BICC1: variants seen among roughly 807,000 people sequenced by gnomAD.
BICC1 encodes BicC family RNA binding protein 1, also known as protein bicaudal C homolog 1.
In BICC1, 43 loss-of-function variants were observed where a neutral mutation model predicts 111.0. That is an observed-to-expected ratio of 0.39 (90% CI 0.30 to 0.50). BICC1 has a LOEUF of 0.50. Among genes scored for constraint, BICC1 ranks in the 20% least tolerant of loss-of-function variants. The pLI, the probability that BICC1 is intolerant of heterozygous loss-of-function variation, is 0.88. For synonymous variants in BICC1, 467 were observed against 434.4 expected, an observed-to-expected ratio of 1.07 and a Z score of -0.93; for missense variants, 1,091 against 1,203.2, an observed-to-expected ratio of 0.91 and a Z score of 1.38.
intron 1 of BICC1, among the ~76,000 whole-genome samples, chr10:58,611,620 C>A (rs2132108094): frequency 6.6e-6 from 1 of 151,942 alleles, no homozygotes; most frequent in South Asian, 2.1e-4. Context: ...GGATTACAGG[C>A]ATGCTCTACC....
intron 2 of BICC1, among the ~76,000 whole-genome samples, chr10:58,691,606 G>A (rs1839909693): frequency 6.6e-6 from 1 of 152,140 alleles, no homozygotes; most frequent in South Asian, 2.1e-4. Context: ...TTAGAAATCA[G>A]GAAATTTAAC....
intron 2 of BICC1, among the ~76,000 whole-genome samples, chr10:58,638,318 A>T (rs1251321749): frequency 2.7e-5 from 4 of 145,774 alleles, no homozygotes; most frequent in African/African-American, 8.3e-5. Context: ...TTACAGAGTT[A>T]AAAAAAAAGG....
intron 3 of BICC1, among the ~76,000 whole-genome samples, chr10:58,765,559 G>T (rs1028068379): frequency 6.6e-6 from 1 of 152,110 alleles, no homozygotes; most frequent in African/African-American, 2.4e-5. Context: ...AAGGTTGTAC[G>T]TGATAAACTC....
chr10:58,803,355 A>G, intron 15 of BICC1, 113 bp downstream of exon 15: 1 of 904,638 alleles, frequency 1.1e-6, no homozygotes, highest in Non-Finnish European at 1.5e-6. Context: ...CTTCTGTGCT[A>G]CATTCAAAAT....
intron 1 of BICC1, among the ~76,000 whole-genome samples, chr10:58,519,022 A>C (rs1248933787): frequency 1.3e-5 from 2 of 152,200 alleles, no homozygotes; most frequent in South Asian, 4.1e-4. Context: ...GAAACCTGAC[A>C]CAGAGTGGCT....
At chr10:58,756,726 C>T (rs1388971947) in intron 3 of BICC1, among the ~76,000 whole-genome samples, 7 of 148,942 alleles carry the variant, frequency 4.7e-5, no homozygotes, top group East Asian at 1.9e-4. Flanking sequence ...TGTGAGGAAG[C>T]GTAGCAGTTT....
At chr10:58,575,989 T>A (rs1347041359) in intron 1 of BICC1, among the ~76,000 whole-genome samples, 2 of 152,214 alleles carry the variant, frequency 1.3e-5, no homozygotes, top group East Asian at 3.8e-4. Flanking sequence ...TATTTTACAA[T>A]TTTTTGGTGT....
At chr10:58,560,745 T>C (rs936934722) in intron 1 of BICC1, among the ~76,000 whole-genome samples, 5 of 152,100 alleles carry the variant, frequency 3.3e-5, no homozygotes, top group African/African-American at 1.2e-4. Context: ...TTTTGGTATG[T>C]TGTGTTTGTA....
intron 17 of BICC1, among the ~76,000 whole-genome samples, chr10:58,810,478 A>G (rs1401973106): frequency 1.3e-5 from 2 of 151,286 alleles, no homozygotes; most frequent in Admixed American, 1.3e-4. Flanking sequence ...TTTTTTGTGA[A>G]TGGTGTTCTA....
chr10:58,739,987 C>T (rs958176540), intron 3 of BICC1, among the ~76,000 whole-genome samples: 3 of 152,264 alleles, frequency 2.0e-5, no homozygotes, highest in Non-Finnish European at 2.9e-5. Context: ...AGAATATATA[C>T]ATGACCTTGT....
At chr10:58,808,694 G>A (rs1843793135) in intron 17 of BICC1, among the ~76,000 whole-genome samples, 1 of 149,758 alleles carries the variant, frequency 6.7e-6, no homozygotes, top group African/African-American at 2.5e-5. Context: ...TGTGTTGTCA[G>A]TTCTTAGTGA....
intron 3 of BICC1, among the ~76,000 whole-genome samples, chr10:58,783,760 A>T (rs964435630): frequency 1.3e-5 from 2 of 152,238 alleles, no homozygotes; most frequent in Admixed American, 6.5e-5. Context: ...AGGTTGAGAC[A>T]TGATCAATGG....
chr10:58,717,982 A>G (rs889837724), intron 3 of BICC1, among the ~76,000 whole-genome samples: 2 of 152,192 alleles, frequency 1.3e-5, no homozygotes, highest in East Asian at 1.9e-4. Flanking sequence ...ATGTTGTCAT[A>G]TGCACTTTCT....
intron 1 of BICC1, among the ~76,000 whole-genome samples, chr10:58,539,698 G>C (rs1589076699): frequency 1.3e-5 from 2 of 151,836 alleles, no homozygotes; most frequent in Admixed American, 1.3e-4. Context: ...AATAATAATA[G>C]AATATTTCAG....
chr10:58,648,615 C>G, intron 2 of BICC1: 3 of 985,000 alleles, frequency 3.0e-6, no homozygotes, highest in Non-Finnish European at 2.4e-6. Context: ...CTCTCTTTCT[C>G]TCTTACAGAG....
At chr10:58,580,895 G>A (rs2132010154) in intron 1 of BICC1, among the ~76,000 whole-genome samples, 1 of 152,236 alleles carries the variant, frequency 6.6e-6, no homozygotes, top group South Asian at 2.1e-4. Flanking sequence ...AGTCTCCTTA[G>A]GATGTCTTAA....
At chr10:58,716,125 T>C in intron 3 of BICC1, 1 of 1,501,334 alleles carries the variant, frequency 6.7e-7, no homozygotes, top group Non-Finnish European at 9.1e-7. Flanking sequence ...ACCTTTATCA[T>C]CTGAGTCCTT....
intron 1 of BICC1, among the ~76,000 whole-genome samples, chr10:58,513,890 A>T (rs1842170786): frequency 6.6e-6 from 1 of 152,204 alleles, no homozygotes; most frequent in Non-Finnish European, 1.5e-5. Flanking sequence ...GATCGGGGTG[A>T]GCAGCCAAAG....
intron 3 of BICC1, among the ~76,000 whole-genome samples, chr10:58,718,803 T>C (rs141423710): frequency 0.015 from 2,295 of 149,980 alleles, 59 homozygotes; most frequent in African/African-American, 0.055. Flanking sequence ...CCCGCGTGCT[T>C]ATGGGTATGT....
Sources: allele counts gnomAD v4.1 joint callset (sites outside exome capture counted in the v4.1 genomes callset), GRCh38; gene constraint gnomAD v4.1.1; transcripts MANE v1.5; gene names NCBI Gene and HGNC (gene_info 2026-07-23, HGNC 2026-07-21).